The following KDM1A variants were observed in gnomAD, a reference collection of about 807,000 sequenced individuals.
KDM1A encodes lysine-specific histone demethylase 1A.
Under a neutral mutation model 109.4 loss-of-function variants are expected in KDM1A, and 49 were observed. The observed-to-expected ratio is 0.45, with a 90% confidence interval of 0.36 to 0.57. The LOEUF (loss-of-function observed/expected upper bound fraction) is 0.57, where lower values mean the gene tolerates loss of function less well. KDM1A is among the 20% of genes least tolerant of loss of function. KDM1A has a pLI of 0.00. For missense variants in KDM1A, 668 were observed against 1,116.6 expected (o/e 0.60, Z 5.73); for synonymous variants, 380 against 415.4 (o/e 0.91, Z 1.04).
intron 20 of KDM1A, 176 bp downstream of exon 20, chr1:23,082,542 G>A (rs1403166104): frequency 5.1e-6 from 3 of 582,838 alleles, no homozygotes; most frequent in Admixed American, 3.2e-5. Context: ...ATTTGGTTTT[G>A]TAAATCTAGG....
At chr1:23,065,572 T>G (rs1310388089) in intron 9 of KDM1A, among the ~76,000 whole-genome samples, 1 of 152,148 alleles carries the variant, frequency 6.6e-6, no homozygotes, top group Non-Finnish European at 1.5e-5. Flanking sequence ...TAGGTGGAAA[T>G]GGATGGGGCC....
At chr1:23,066,114 A>G in intron 10 of KDM1A, 43 bp downstream of exon 10, 1 of 1,317,102 alleles carries the variant, frequency 7.6e-7, no homozygotes, top group South Asian at 1.2e-5. Flanking sequence ...CTCACTGTTT[A>G]CAATAACCCA....
In KDM1A at chr1:23,050,373, G is replaced by C; in HGVS notation, c.578-14G>C. On this transcript the variant is annotated splice_polypyrimidine_tract_variant and intron_variant, in intron 3 of 20. Transcript: ENST00000400181. ...CTTGCACTTTTCCTAGATGTCCTTTGCTTTCTTCGTTAGGTGTGGAGGGCG... is the reference window on the plus strand; with the variant it reads ...CTTGCACTTTTCCTAGATGTCCTTTCCTTTCTTCGTTAGGTGTGGAGGGCG... 1 of 1,595,334 alleles carries C rather than the reference G, an allele frequency of 6.3e-7. No homozygotes were observed. Among genetic ancestry groups the C allele is most frequent in the Non-Finnish European group, 8.5e-7 (1 of 1,173,154 alleles).
At chr1:23,023,050 A>C (rs929165367) in intron 1 of KDM1A, among the ~76,000 whole-genome samples, 1 of 152,136 alleles carries the variant, frequency 6.6e-6, no homozygotes, top group Non-Finnish European at 1.5e-5. Flanking sequence ...TTTGATATGC[A>C]GTTCCCTAAT....
At position 23,044,466 on chromosome 1, in the gene KDM1A, A is replaced by G; in HGVS notation, c.557A>G (p.Tyr186Cys). 1 of 1,611,788 alleles carries G rather than the reference A, an allele frequency of 6.2e-7. No homozygotes were observed. Among genetic ancestry groups the G allele is most frequent in the South Asian group, 1.1e-5 (1 of 90,724 alleles). Residue 186 changes from tyrosine (Y) to cysteine (C), a missense_variant, in exon 3 of 21, where the codon TAT becomes TGT. Coordinates refer to ENST00000400181, the MANE Select transcript of KDM1A (RefSeq NM_001009999.3). Reference sequence around the variant, plus strand: ...CTTCAAGACGACAGTTCTGGAGGGTATGGAGACGGCCAAGCATCAGGTGAG... The same window carrying G: ...CTTCAAGACGACAGTTCTGGAGGGTGTGGAGACGGCCAAGCATCAGGTGAG... ...GGLQDDSSGG[Y>C]GDGQASGVEG...
intron 4 of KDM1A, among the ~76,000 whole-genome samples, chr1:23,051,691 A>G (rs1361314206): frequency 6.6e-6 from 1 of 152,210 alleles, no homozygotes. Flanking sequence ...GAACATGCTC[A>G]TGTTACTCTA....
chr1:23,074,893 A>G (rs916535158), intron 15 of KDM1A, among the ~76,000 whole-genome samples: 6 of 152,184 alleles, frequency 3.9e-5, no homozygotes, highest in African/African-American at 1.2e-4. Flanking sequence ...TTATCTGTCT[A>G]TCCATATGCC....
At chr1:23,032,004 A>G (rs1641998550) in intron 2 of KDM1A, among the ~76,000 whole-genome samples, 1 of 152,058 alleles carries the variant, frequency 6.6e-6, no homozygotes, top group Non-Finnish European at 1.5e-5. Context: ...AGTCTTATAC[A>G]TTTAGCTCTC....
rs558626574 is a variant in KDM1A, at chr1:23,076,253, T to TA, written c.1735-974dup. ...ATGAAATTAGAAATCCTTACCAGCT[T>TA]ACAAAAAAAATGTTACATAGAAAAA... is the stretch of plus-strand genomic sequence containing the variant. On this transcript the variant is annotated intron_variant, in intron 15 of 20. Coordinates refer to ENST00000400181, the MANE Select transcript of KDM1A (RefSeq NM_001009999.3). Among the ~76,000 whole-genome samples, 9 of 152,200 alleles carry TA rather than the reference T, an allele frequency of 5.9e-5. No individual in the cohort carries two copies. The East Asian group carries it at 1.7e-3, about 29-fold the overall frequency.
At chr1:23,080,055 C>G (rs538410686) in intron 18 of KDM1A, among the ~76,000 whole-genome samples, 2 of 152,348 alleles carry the variant, frequency 1.3e-5, no homozygotes, top group East Asian at 3.9e-4. Flanking sequence ...TTATGAAATT[C>G]CTACCTCCTG....
chr1:23,068,723 T>G, intron 11 of KDM1A, 42 bp downstream of exon 11: 1 of 1,410,452 alleles, frequency 7.1e-7, no homozygotes, highest in Non-Finnish European at 9.3e-7. Flanking sequence ...GAGTTCCATG[T>G]GTAAAGATTT....
Position 23,083,213 on chromosome 1 carries a change from C to T in KDM1A, c.2480C>T (p.Thr827Met), listed in dbSNP as rs1406791733. 1.2e-6 allele frequency: 2 copies of T among 1,613,198 alleles called. No individual in the cohort carries two copies. The highest frequency in any genetic ancestry group is 1.7e-6 in the Non-Finnish European group (2 of 1,179,482). ...CGACTCTTCTTTGCGGGAGAACATA[C>T]GATCCGTAACTACCCAGCCACAGTG... ...IPRLFFAGEH[T>M]IRNYPATVHG... Residue 827 changes from threonine (T) to methionine (M), a missense_variant, in exon 21 of 21, where the codon ACG becomes ATG. Thr to Met is a moderately conservative substitution (Grantham distance 81). Transcript: ENST00000400181.
chr1:23,081,418 C>G (rs777070713), intron 18 of KDM1A, 28 bp from the exon 19 acceptor site: 1 of 1,612,912 alleles, frequency 6.2e-7, no homozygotes, highest in Admixed American at 1.7e-5. Flanking sequence ...GTAGGAAAAC[C>G]CTAGAATTAT....
chr1:23,038,364 GT>G (rs567611337), intron 2 of KDM1A, among the ~76,000 whole-genome samples: 5 of 150,666 alleles, frequency 3.3e-5, no homozygotes, highest in African/African-American at 1.2e-4. Flanking sequence ...TTCTAACATA[GT>G]TTTTTTTTCT....
chr1:23,042,442 T>TATTATTTA (rs61297026), intron 2 of KDM1A, among the ~76,000 whole-genome samples: 2 of 17,732 alleles, frequency 1.1e-4, no homozygotes, highest in South Asian at 3.2e-3. Context: ...AATATATTAT[T>TATTATTTA]TTTTTTTTTT....
In KDM1A at chr1:23,059,157, A is replaced by G. The variant is rs766632876; in HGVS notation, c.1157A>G (p.Asn386Ser). 4.2e-5 allele frequency: 68 copies of G among 1,611,938 alleles called. No individual in the cohort carries two copies. Among genetic ancestry groups the G allele is most frequent in the Non-Finnish European group, 5.3e-5 (62 of 1,178,986 alleles). ...IKQKCPLYEA[N>S]GQADTVKVPK... Reference sequence around the variant, plus strand: ...CAAAAATGCCCACTTTATGAAGCCAACGGACAAGCTGTAAGTCGAGGACAA... The same window carrying G: ...CAAAAATGCCCACTTTATGAAGCCAGCGGACAAGCTGTAAGTCGAGGACAA... The change falls in exon 9 of 21, where the codon AAC becomes AGC. Residue 386 changes from asparagine to serine, a missense_variant. Around this residue, in one of 8 missense-constraint regions of KDM1A, gnomAD observed 53 missense variants for 122.5 expected, o/e 0.43. Coordinates refer to ENST00000400181, the MANE Select transcript of KDM1A (RefSeq NM_001009999.3).
At chr1:23,043,158 T>G (rs1217244869) in intron 2 of KDM1A, among the ~76,000 whole-genome samples, 3 of 152,230 alleles carry the variant, frequency 2.0e-5, no homozygotes, top group Non-Finnish European at 2.9e-5. Context: ...CAAGATAAGT[T>G]TGCAGATTGG....
rs778766338 is a variant in KDM1A, at chr1:23,019,664, C to A, written c.68C>A (p.Ala23Asp). Residue 23 changes from alanine to aspartate, a missense_variant, in exon 1 of 21, where the codon GCT (alanine) becomes GAT (aspartate). Physicochemically the swap from Ala to Asp is moderately radical, Grantham distance 126 (BLOSUM62 -2). Transcript: ENST00000400181. ...GCAGCGGCAGCAACCGGGACGGAGG[C>A]TGGCCCTGGGACAGCAGGCGGCTCC... ...AAAAAATGTEAGPGTAGGSEN... is the reference protein window; with the variant it reads ...AAAAAATGTEDGPGTAGGSEN... 2 of 1,397,072 alleles carry A rather than the reference C, an allele frequency of 1.4e-6. No individual in the cohort carries two copies. Among genetic ancestry groups the A allele is most frequent in the South Asian group, 1.6e-5 (1 of 62,498 alleles). The allele number at this position is 1,397,072 out of a possible 1,614,324, so 86.5% of individuals were successfully genotyped here.
At chr1:23,077,635 A>G (rs1643504092) in intron 16 of KDM1A, among the ~76,000 whole-genome samples, 1 of 152,076 alleles carries the variant, frequency 6.6e-6, no homozygotes, top group Non-Finnish European at 1.5e-5. Context: ...GAAAATCTGA[A>G]ATCTCTAATG....
Sources: gnomAD v4.1 joint callset for allele counts (sites outside exome capture counted in the v4.1 genomes callset) on GRCh38, gnomAD v4.1.1 for gene constraint, gnomAD v4.1.1 regional missense constraint, MANE v1.5 for transcripts, NCBI Gene and HGNC (gene_info 2026-07-23, HGNC 2026-07-21) for gene names.